The following G3BP2 variants were observed in gnomAD, a reference collection of about 807,000 sequenced individuals.
G3BP2 encodes ras GTPase-activating protein-binding protein 2.
In G3BP2, 11 loss-of-function variants were observed where a neutral mutation model predicts 56.7. The observed-to-expected ratio is 0.19, with a 90% CI of 0.12 to 0.32. The LOEUF (loss-of-function observed/expected upper bound fraction) is 0.32, where lower values mean the gene tolerates loss of function less well. Ranked by LOEUF, G3BP2 falls within the 10% of genes least tolerant of loss-of-function variation. The probability of loss-of-function intolerance (pLI) is 1.00; values close to 1 mark genes in which losing one functional copy is unlikely to be tolerated. For missense variants in G3BP2, 340 were observed against 610.9 expected (o/e 0.56, Z 4.67); for synonymous variants, 165 against 191.6 (o/e 0.86, Z 1.15).
chr4:75,702,837 A>G (rs1305453489), intron 3 of G3BP2, among the ~76,000 whole-genome samples: 1 of 152,194 alleles, frequency 6.6e-6, no homozygotes, highest in Non-Finnish European at 1.5e-5. Flanking sequence ...CCAGACTGCA[A>G]TGTAAATATA....
At chr4:75,686,742 T>C (rs1406216026) in intron 3 of G3BP2, among the ~76,000 whole-genome samples, 1 of 152,162 alleles carries the variant, frequency 6.6e-6, no homozygotes, top group Non-Finnish European at 1.5e-5. Flanking sequence ...TCCCACTGTA[T>C]ATAATAAACC....
chr4:75,646,591 ATAGCCAAGGTACGT>A (rs1416491507), intron 10 of G3BP2, 135 bp from the exon 11 acceptor site: 3 of 655,834 alleles, frequency 4.6e-6, no homozygotes, highest in African/African-American at 1.9e-5. Context: ...ACACACAGTG[ATAGCCAAGGTACGT>A]TTACTCAAGC....
chr4:75,675,115 T>C (rs1733819010), upstream of G3BP2, among the ~76,000 whole-genome samples: 1 of 152,152 alleles, frequency 6.6e-6, no homozygotes, highest in South Asian at 2.1e-4. Context: ...TACTATTCAC[T>C]GGAGCTGGGA....
At chr4:75,678,001 G>A (rs1162983078), upstream of G3BP2, among the ~76,000 whole-genome samples, 1 of 152,228 alleles carries the variant, frequency 6.6e-6, no homozygotes, top group Admixed American at 6.5e-5. Context: ...CTTTCACCAT[G>A]TGAGAACACA....
intron 5 of G3BP2, among the ~76,000 whole-genome samples, chr4:75,656,238 C>T (rs1013757425): frequency 6.6e-6 from 1 of 151,896 alleles, no homozygotes; most frequent in Non-Finnish European, 1.5e-5. Flanking sequence ...GTGATCCACC[C>T]GCCCTGGCCT....
chr4:75,695,768 A>G (rs1310425229), intron 3 of G3BP2, among the ~76,000 whole-genome samples: 1 of 152,134 alleles, frequency 6.6e-6, no homozygotes, highest in Non-Finnish European at 1.5e-5. Flanking sequence ...TGAGGTCAGG[A>G]GTTCAAGACC....
At chr4:75,688,462 C>T (rs1386161639) in intron 3 of G3BP2, among the ~76,000 whole-genome samples, 1 of 152,174 alleles carries the variant, frequency 6.6e-6, no homozygotes, top group Non-Finnish European at 1.5e-5. Context: ...CCTCTGTTTT[C>T]AATGCTTTGA....
At chr4:75,660,473 G>A (rs2148994876) in intron 2 of G3BP2, among the ~76,000 whole-genome samples, 1 of 152,214 alleles carries the variant, frequency 6.6e-6, no homozygotes, top group Non-Finnish European at 1.5e-5. Flanking sequence ...CTTACTGAGT[G>A]ATCCTAGATG....
intron 1 of G3BP2, among the ~76,000 whole-genome samples, chr4:75,667,273 G>A (rs1385579815): frequency 7.1e-6 from 1 of 141,700 alleles, no homozygotes; most frequent in Non-Finnish European, 1.5e-5. Flanking sequence ...TGGGTAACAG[G>A]AGTGAGACAC....
At chr4:75,671,318 G>A (rs1248333097) in intron 1 of G3BP2, among the ~76,000 whole-genome samples, 1 of 152,134 alleles carries the variant, frequency 6.6e-6, no homozygotes, top group East Asian at 1.9e-4. Flanking sequence ...AGCAATCTAG[G>A]GGGAAAATGT....
chr4:75,650,098 T>C (rs947292032), intron 8 of G3BP2, among the ~76,000 whole-genome samples: 3 of 152,260 alleles, frequency 2.0e-5, no homozygotes, highest in Admixed American at 6.5e-5. Flanking sequence ...TAATCATTTA[T>C]ATAACAGATA....
chr4:75,676,266 T>A (rs115076465), upstream of G3BP2, among the ~76,000 whole-genome samples: 1 of 151,982 alleles, frequency 6.6e-6, no homozygotes, highest in Non-Finnish European at 1.5e-5. Flanking sequence ...GTGTGAACGG[T>A]ATTCATTCGG....
chr4:75,713,902 T>C (rs80173442), intron 3 of G3BP2, among the ~76,000 whole-genome samples: 1,590 of 152,312 alleles, frequency 0.01, 24 homozygotes, highest in African/African-American at 0.037. Context: ...GATATTCTAA[T>C]TGTGAGGCAA....
chr4:75,722,318 T>G (rs574001244), intron 1 of G3BP2, among the ~76,000 whole-genome samples: 54 of 152,316 alleles, frequency 3.5e-4, no homozygotes, highest in African/African-American at 1.3e-3. Context: ...CACGAAAGTA[T>G]AGTAACCTAC....
intron 3 of G3BP2, among the ~76,000 whole-genome samples, chr4:75,695,495 A>T (rs949655723): frequency 6.6e-6 from 1 of 152,188 alleles, no homozygotes; most frequent in South Asian, 2.1e-4. Context: ...AAATGTGGGT[A>T]TGGGACTTAG....
At chr4:75,653,650 G>T (rs550390812) in intron 8 of G3BP2, among the ~76,000 whole-genome samples, 57 of 143,762 alleles carry the variant, frequency 4.0e-4, no homozygotes, top group Non-Finnish European at 6.6e-4. Flanking sequence ...GTGCCTCTCC[G>T]AATTTCTTAC....
chr4:75,702,142 C>T (rs1487578893), intron 3 of G3BP2, among the ~76,000 whole-genome samples: 1 of 150,246 alleles, frequency 6.7e-6, no homozygotes, highest in Non-Finnish European at 1.5e-5. Flanking sequence ...CCGTTCCCCC[C>T]TACCTTAAGA....
intron 3 of G3BP2, among the ~76,000 whole-genome samples, chr4:75,705,976 CAT>C (rs545703408): frequency 2.2e-3 from 339 of 152,212 alleles, no homozygotes; most frequent in African/African-American, 7.8e-3. Flanking sequence ...TATACATATA[CAT>C]ATATATGTAT....
rs747146733 is a variant in G3BP2, at chr4:75,657,746, A to C, written c.178-16T>G. 1.3e-6 allele frequency: 2 copies of C among 1,548,350 alleles called. No homozygotes were observed. The highest frequency in any genetic ancestry group is 4.5e-5 in the East Asian group (2 of 44,358). On this transcript the variant is annotated splice_polypyrimidine_tract_variant and intron_variant, in intron 3 of 11. Transcript: ENST00000359707. Reference sequence around the variant, plus strand: ...GGTGTATATCCTTTATTAGGGAGGGAGGGAAAAATATAAACTCTGTGATAC... The same window carrying C: ...GGTGTATATCCTTTATTAGGGAGGGCGGGAAAAATATAAACTCTGTGATAC...
Sources: gnomAD v4.1 joint callset for allele counts (sites outside exome capture counted in the v4.1 genomes callset) on GRCh38, gnomAD v4.1.1 for gene constraint, MANE v1.5 for transcripts, NCBI Gene and HGNC (gene_info 2026-07-23, HGNC 2026-07-21) for gene names.